The following DCDC2 variants were observed in gnomAD, a reference collection of about 807,000 sequenced individuals.
DCDC2 encodes doublecortin domain-containing protein 2.
DCDC2 carries 40 observed loss-of-function variants against 50.2 expected under a neutral mutation model. That is an observed-to-expected ratio of 0.80 (90% CI 0.62 to 1.04). The LOEUF (loss-of-function observed/expected upper bound fraction) is 1.04, where lower values mean the gene tolerates loss of function less well. Ranked by LOEUF, DCDC2 falls within the 50% of genes least tolerant of loss-of-function variation. The probability of loss-of-function intolerance (pLI) is 0.00; values close to 1 mark genes in which losing one functional copy is unlikely to be tolerated. For synonymous variants in DCDC2, 234 were observed against 210.6 expected (o/e 1.11, Z -0.96); for missense variants, 570 against 581.9 (o/e 0.98, Z 0.21).
At chr6:24,356,526 C>T (rs1027524600) in intron 1 of DCDC2, among the ~76,000 whole-genome samples, 1 of 151,916 alleles carries the variant, frequency 6.6e-6, no homozygotes, top group Non-Finnish European at 1.5e-5. Context: ...GGTTGGACTT[C>T]ATGCCATGAG....
chr6:24,317,855 A>G (rs1272698337), intron 2 of DCDC2, among the ~76,000 whole-genome samples: 3 of 152,114 alleles, frequency 2.0e-5, no homozygotes, highest in African/African-American at 7.2e-5. Flanking sequence ...CAGGCAATTC[A>G]TGTTTTTAAA....
intron 2 of DCDC2, among the ~76,000 whole-genome samples, chr6:24,352,636 G>A (rs558171603): frequency 5.9e-5 from 9 of 151,988 alleles, no homozygotes; most frequent in South Asian, 2.1e-4. Flanking sequence ...TTTTTCTTAC[G>A]CAATATTTTT....
intron 7 of DCDC2, among the ~76,000 whole-genome samples, chr6:24,272,898 C>T (rs1763267093): frequency 6.6e-6 from 1 of 152,126 alleles, no homozygotes; most frequent in South Asian, 2.1e-4. Context: ...ACCAAAAAGA[C>T]ACCTGCACTT....
chr6:24,236,082 A>G (rs1446345118), intron 7 of DCDC2, among the ~76,000 whole-genome samples: 3 of 148,476 alleles, frequency 2.0e-5, no homozygotes, highest in African/African-American at 5.1e-5. Context: ...TAGAATTAGG[A>G]AAAAAAAAAT....
At chr6:24,287,301 C>T (rs3789227) in intron 6 of DCDC2, among the ~76,000 whole-genome samples, 18,369 of 152,204 alleles carry the variant, frequency 0.12, 1,132 homozygotes, top group East Asian at 0.17. Context: ...CTCCCCTCCT[C>T]CCCTGCCATT....
Position 24,288,412 on chromosome 6 carries a change from A to G in DCDC2, c.759+440T>C, listed in dbSNP as rs377166159. On this transcript the variant is annotated intron_variant, in intron 6 of 9. Transcript: ENST00000378454. ...ACCATGAATAAATGATAAATGGAAA[A>G]GATTCAGATGGCAAACTAAATACCT... is the stretch of plus-strand genomic sequence containing the variant. 2.2e-4 allele frequency among the ~76,000 whole-genome samples: 34 copies of G among 152,368 alleles called. 1 individual carries two copies. Among genetic ancestry groups the G allele is most frequent in the African/African-American group, 7.9e-4 (33 of 41,582 alleles).
At chr6:24,203,048 T>C (rs572096157) in intron 8 of DCDC2, among the ~76,000 whole-genome samples, 2 of 152,248 alleles carry the variant, frequency 1.3e-5, no homozygotes, top group African/African-American at 4.8e-5. Context: ...ATTGTGAAAA[T>C]GGCCATACTG....
At chr6:24,368,472 CA>C in the DCDC2 span, among the ~76,000 whole-genome samples, 1 of 152,042 alleles carries the variant, frequency 6.6e-6, no homozygotes. Flanking sequence ...GTATTACCCA[CA>C]AAGAAAAGAC....
chr6:24,231,370 G>A (rs1195334395), intron 7 of DCDC2, among the ~76,000 whole-genome samples: 2 of 152,178 alleles, frequency 1.3e-5, no homozygotes, highest in African/African-American at 4.8e-5. Flanking sequence ...CCCAGGCCAG[G>A]AGCTCTGGTT....
chr6:24,296,783 A>G (rs1759259136), intron 4 of DCDC2, among the ~76,000 whole-genome samples: 1 of 152,216 alleles, frequency 6.6e-6, no homozygotes, highest in African/African-American at 2.4e-5. Flanking sequence ...ATGCCAGTCA[A>G]AATGGTTATT....
chr6:24,290,028 C>T (rs1440668037), intron 5 of DCDC2, among the ~76,000 whole-genome samples: 2 of 112,564 alleles, frequency 1.8e-5, no homozygotes, highest in African/African-American at 6.6e-5. Flanking sequence ...GAGTCTCGCT[C>T]TGTCGCCCAG....
At chr6:24,381,756 G>T in the DCDC2 span, among the ~76,000 whole-genome samples, 4 of 146,482 alleles carry the variant, frequency 2.7e-5, no homozygotes, top group East Asian at 8.2e-4. Context: ...AGCAGCCTGG[G>T]CAACACAATA....
intron 7 of DCDC2, among the ~76,000 whole-genome samples, chr6:24,217,280 A>C (rs1762004167): frequency 6.6e-6 from 1 of 152,198 alleles, no homozygotes; most frequent in South Asian, 2.1e-4. Context: ...TAAAGGATTA[A>C]ATACCTAGCT....
chr6:24,330,803 G>A (rs1759951996), intron 2 of DCDC2, among the ~76,000 whole-genome samples: 1 of 152,188 alleles, frequency 6.6e-6, no homozygotes, highest in African/African-American at 2.4e-5. Flanking sequence ...AGTCTAGGTA[G>A]GCTGTGGTTT....
chr6:24,211,796 C>A (rs1157167558), intron 7 of DCDC2, among the ~76,000 whole-genome samples: 1 of 152,188 alleles, frequency 6.6e-6, no homozygotes, highest in Non-Finnish European at 1.5e-5. Context: ...CCCAGTAAGG[C>A]CCATTTTGGA....
intron 2 of DCDC2, among the ~76,000 whole-genome samples, chr6:24,350,669 C>A (rs1760352262): frequency 6.6e-6 from 1 of 152,006 alleles, no homozygotes; most frequent in Admixed American, 6.6e-5. Context: ...CTGAAACTCC[C>A]CCTTGAAACA....
At chr6:24,355,360 CAG>C (rs1186879541) in intron 1 of DCDC2, among the ~76,000 whole-genome samples, 29 of 151,890 alleles carry the variant, frequency 1.9e-4, no homozygotes, top group African/African-American at 5.8e-4. Context: ...TTCAGCCGTT[CAG>C]AGATTCTGAA....
At chr6:24,290,751 A>G (rs964468547) in intron 5 of DCDC2, among the ~76,000 whole-genome samples, 181 bp downstream of exon 5, 1 of 152,156 alleles carries the variant, frequency 6.6e-6, no homozygotes, top group African/African-American at 2.4e-5. Context: ...TTTTTGTTCA[A>G]TAGCTTTCAG....
At position 24,196,375 on chromosome 6, in the gene DCDC2, G is replaced by A. The variant is rs568382855; in HGVS notation, c.1023+8627C>T. Reference sequence around the variant, plus strand: ...AGCTCACTTCCTTTGTGTATTTATAGATAGGTAGATAGATAAGTAGGTAGA... The same window carrying A: ...AGCTCACTTCCTTTGTGTATTTATAAATAGGTAGATAGATAAGTAGGTAGA... On this transcript the variant is annotated intron_variant, in intron 8 of 9. Coordinates refer to ENST00000378454, the MANE Select transcript of DCDC2 (RefSeq NM_016356.5). Among the ~76,000 whole-genome samples, 19 of 152,226 alleles carry A rather than the reference G, an allele frequency of 1.2e-4. No homozygotes were observed. In the South Asian group the frequency reaches 2.1e-3, roughly 17 times the overall value.
Sources: allele counts gnomAD v4.1 joint callset (sites outside exome capture counted in the v4.1 genomes callset), GRCh38; gene constraint gnomAD v4.1.1; transcripts MANE v1.5; gene names NCBI Gene and HGNC (gene_info 2026-07-23, HGNC 2026-07-21).